Variants in CES5A observed in about 807,000 individuals in gnomAD.
CES5A encodes carboxylesterase 5.
CES5A carries 67 observed loss-of-function variants against 62.9 expected under a neutral mutation model. The ratio of observed to expected loss-of-function variants is 1.07; its 90% CI spans 0.88 to 1.31. The LOEUF (loss-of-function observed/expected upper bound fraction) is 1.31, where lower values mean the gene tolerates loss of function less well. CES5A is among the 50% of genes most tolerant of loss of function. CES5A has a pLI of 0.00. For synonymous variants in CES5A, 296 were observed against 280.8 expected (o/e 1.05, Z -0.54); for missense variants, 748 against 708.5 (o/e 1.06, Z -0.63).
intron 2 of CES5A, among the ~76,000 whole-genome samples, chr16:55,943,101 A>G (rs2034461446): frequency 6.6e-6 from 1 of 152,214 alleles, no homozygotes. Context: ...AGCTGATTAC[A>G]ATTTTCCAAA....
intron 4 of CES5A, among the ~76,000 whole-genome samples, chr16:55,868,365 T>C (rs1409816885): frequency 3.9e-5 from 6 of 152,194 alleles, no homozygotes; most frequent in African/African-American, 1.4e-4. Flanking sequence ...TTCATCCCCA[T>C]GTGTTGCTAC....
intron 1 of CES5A, among the ~76,000 whole-genome samples, chr16:55,886,859 C>CATGGGATTA (rs2033820946): frequency 1.3e-5 from 2 of 152,002 alleles, no homozygotes; most frequent in Admixed American, 1.3e-4. Flanking sequence ...CCTATGTAAT[C>CATGGGATTA]CCATGATTAC....
chr16:55,949,782 C>G, intron 2 of CES5A: 1 of 1,422,708 alleles, frequency 7.0e-7, no homozygotes, highest in Non-Finnish European at 9.4e-7. Context: ...TCAAACAACT[C>G]ACCCTCATCT....
At chr16:55,949,255 A>G (rs1459180998) in intron 2 of CES5A, among the ~76,000 whole-genome samples, 1 of 152,202 alleles carries the variant, frequency 6.6e-6, no homozygotes, top group Admixed American at 6.5e-5. Flanking sequence ...AGAGGGAGAC[A>G]GTGAGCTGCA....
At chr16:55,886,025 C>T (rs1567341077) in intron 1 of CES5A, among the ~76,000 whole-genome samples, 1 of 152,216 alleles carries the variant, frequency 6.6e-6, no homozygotes, top group African/African-American at 2.4e-5. Context: ...TCACATCCGT[C>T]CACTGCCTCA....
intron 2 of CES5A, among the ~76,000 whole-genome samples, chr16:55,941,421 T>A (rs757274150): frequency 6.6e-6 from 1 of 151,992 alleles, no homozygotes; most frequent in Non-Finnish European, 1.5e-5. Flanking sequence ...ATATAAGACC[T>A]GTATGCTGAA....
intron 1 of CES5A, among the ~76,000 whole-genome samples, chr16:55,910,961 C>T (rs1429443698): frequency 2.0e-5 from 3 of 152,200 alleles, no homozygotes; most frequent in Non-Finnish European, 4.4e-5. Flanking sequence ...GCCCTAAAGC[C>T]TGTCTCACAC....
chr16:55,939,309 T>C (rs1457034413), intron 2 of CES5A, among the ~76,000 whole-genome samples: 1 of 151,670 alleles, frequency 6.6e-6, no homozygotes, highest in Non-Finnish European at 1.5e-5. Context: ...GGAAGTAGGG[T>C]TGAGGTCCAC....
intron 1 of CES5A, among the ~76,000 whole-genome samples, chr16:55,902,513 G>A (rs1473845661): frequency 6.6e-6 from 1 of 152,168 alleles, no homozygotes; most frequent in Non-Finnish European, 1.5e-5. Context: ...CTGCCCGTGG[G>A]AGGGATGTGG....
intron 2 of CES5A, among the ~76,000 whole-genome samples, chr16:55,942,242 T>G (rs778584602): frequency 7.2e-5 from 11 of 152,058 alleles, no homozygotes; most frequent in Non-Finnish European, 1.3e-4. Flanking sequence ...AATTTTAAAA[T>G]CCCTACTTAT....
At chr16:55,905,828 G>A (rs755504853) in intron 1 of CES5A, among the ~76,000 whole-genome samples, 19 of 152,132 alleles carry the variant, frequency 1.2e-4, no homozygotes, top group East Asian at 1.9e-4. Context: ...AACTATACGC[G>A]CAATGGAGAA....
In CES5A at chr16:55,895,186, T is replaced by C. The variant is rs544127123; in HGVS notation, c.-255-21149A>G. Among the ~76,000 whole-genome samples the C allele has an allele frequency of 6.6e-5, 10 of 152,272 alleles. No individual in the cohort carries two copies. The East Asian group carries it at 9.6e-4, about 15-fold the overall frequency. On this transcript the variant is annotated intron_variant, in intron 1 of 12. Coordinates refer to the CES5A transcript ENST00000518005. ...CACACACAGAGTACATTTGCAAAGA[T>C]TGGACTAATTTGGTTGTTTTTTTTT...
intron 1 of CES5A, among the ~76,000 whole-genome samples, chr16:55,911,392 A>T (rs2034091105): frequency 6.6e-6 from 1 of 152,210 alleles, no homozygotes; most frequent in Admixed American, 6.5e-5. Context: ...ATTAATAAGG[A>T]CAAGAAGAAA....
At chr16:55,867,575 G>A (rs1271577382) in intron 4 of CES5A, among the ~76,000 whole-genome samples, 1 of 152,040 alleles carries the variant, frequency 6.6e-6, no homozygotes, top group Non-Finnish European at 1.5e-5. Context: ...CCAGGCCCCT[G>A]CTCAAGAGTC....
At chr16:55,882,012 A>G (rs1480873096) in intron 1 of CES5A, among the ~76,000 whole-genome samples, 2 of 152,216 alleles carry the variant, frequency 1.3e-5, no homozygotes, top group Admixed American at 6.5e-5. Context: ...GTAGACAGGC[A>G]GCCAACTTGA....
At chr16:55,852,272 T>C (rs1219811867) in intron 10 of CES5A, among the ~76,000 whole-genome samples, 1 of 152,226 alleles carries the variant, frequency 6.6e-6, no homozygotes, top group African/African-American at 2.4e-5. Context: ...TTATAAATAT[T>C]TGTGAATTTT....
chr16:55,882,332 G>A (rs2033770672), intron 1 of CES5A, among the ~76,000 whole-genome samples: 1 of 152,122 alleles, frequency 6.6e-6, no homozygotes, highest in Admixed American at 6.5e-5. Context: ...TTTGATACCA[G>A]GACCCACTAA....
chr16:55,937,735 CCTT>C (rs2034391460), intron 2 of CES5A, among the ~76,000 whole-genome samples: 3 of 151,938 alleles, frequency 2.0e-5, no homozygotes. Flanking sequence ...AGCCCACGCA[CCTT>C]CTTCATAATT....
Position 55,846,202 on chromosome 16 carries a change from T to C in CES5A, c.*249A>G. On this transcript the variant is annotated 3_prime_UTR_variant, in exon 13 of 13. Coordinates refer to ENST00000290567, the MANE Select transcript of CES5A (RefSeq NM_001143685.2). ...TTCATATGAGTTACAAAACCATTAT[T>C]ATGACAACTAATAGGCCAGCCCTCT... 1.8e-6 allele frequency: 1 copy of C among 543,304 alleles called. No homozygotes were observed. The allele number at this position is 543,304 out of a possible 1,614,324, so 33.7% of individuals were successfully genotyped here. A position where few individuals can be genotyped will look rare whatever the true frequency, so the allele number is the denominator to read the frequency against.
Sources: gnomAD v4.1 joint callset for allele counts (sites outside exome capture counted in the v4.1 genomes callset) on GRCh38, gnomAD v4.1.1 for gene constraint, MANE v1.5 for transcripts, NCBI Gene and HGNC (gene_info 2026-07-23, HGNC 2026-07-21) for gene names.